The following BCL11A variants were observed in gnomAD, a reference collection of about 807,000 sequenced individuals.
BCL11A encodes the protein B cell CLL/lymphoma 11A.
In BCL11A, 2 loss-of-function variants were observed where a neutral mutation model predicts 55.9. That is an observed-to-expected ratio of 0.04 (90% CI 0.01 to 0.11). BCL11A has a LOEUF of 0.11. BCL11A is among the 10% of genes least tolerant of loss of function. The pLI, the probability that BCL11A is intolerant of heterozygous loss-of-function variation, is 1.00. For missense variants in BCL11A, 817 were observed against 1,137.1 expected, an observed-to-expected ratio of 0.72 and a Z score of 4.05; for synonymous variants, 465 against 473.4, an observed-to-expected ratio of 0.98 and a Z score of 0.23.
At chr2:60,553,011 C>T (rs757557716) in intron 1 of BCL11A, among the ~76,000 whole-genome samples, 14 of 151,628 alleles carry the variant, frequency 9.2e-5, no homozygotes, top group Admixed American at 3.9e-4. Context: ...TGCGTGCTGT[C>T]TCAAAAGTGC....
chr2:60,461,843 T>A lies in BCL11A; in HGVS notation c.1069A>T (p.Thr357Ser). Residue 357 changes from threonine (T) to serine (S), a missense_variant, in exon 4 of 4, where the codon ACG becomes TCG. Around this residue, in one of 4 missense-constraint regions of BCL11A, gnomAD observed 363 missense variants for 486.6 expected, o/e 0.75. Coordinates refer to ENST00000642384, the MANE Select transcript of BCL11A (RefSeq NM_022893.4). ...GATTGCAGAGGAGGGAGGGGGGGCG[T>A]CGCCAGGAAGGGCGGCTTGCTACCT... is the stretch of plus-strand genomic sequence containing the variant. ...QPGSKPPFLA[T>S]PPLPPLQSAP... The A allele has an allele frequency of 3.1e-6, 5 of 1,613,096 alleles. No individual in the cohort carries two copies. Among genetic ancestry groups the A allele is most frequent in the Non-Finnish European group, 4.2e-6 (5 of 1,179,458 alleles).
chr2:60,462,074 C>G lies in BCL11A; in HGVS notation c.838G>C (p.Glu280Gln). 3 of 1,583,348 alleles carry G rather than the reference C, an allele frequency of 1.9e-6. No homozygotes were observed. The highest frequency in any genetic ancestry group is 2.6e-6 in the Non-Finnish European group (3 of 1,165,238). ...GCCATCTCTTCCGCCCCCAGGCGCT[C>G]TATGCGGTGGGGGTCCAAGTGATGT... Reference protein sequence around the residue: ...PRHHLDPHRIERLGAEEMALA... With the variant: ...PRHHLDPHRIQRLGAEEMALA... Residue 280 changes from glutamate (E) to glutamine (Q), a missense_variant, in exon 4 of 4, where the codon GAG becomes CAG. Glu to Gln is a conservative substitution (Grantham distance 29). Around this residue, in one of 4 missense-constraint regions of BCL11A, gnomAD observed 363 missense variants for 486.6 expected, o/e 0.75. Coordinates refer to ENST00000642384, the MANE Select transcript of BCL11A (RefSeq NM_022893.4).
In BCL11A at chr2:60,511,028, A is replaced by G. The variant is rs550334624; in HGVS notation, c.385+34943T>C. Among the ~76,000 whole-genome samples the G allele has an allele frequency of 2.0e-5, 3 of 152,362 alleles. No homozygotes were observed. In the South Asian group the frequency reaches 6.2e-4, roughly 32 times the overall value. ...AAGAGCCAACCACCAGCAGTTCCTC[A>G]GAGTTCTTCCCACTGGGGCTGTGCA... is the stretch of plus-strand genomic sequence containing the variant. On this transcript the variant is annotated intron_variant, in intron 2 of 3. Transcript: ENST00000642384.
At chr2:60,527,810 G>A (rs965677471) in intron 2 of BCL11A, 1 of 152,214 alleles carries the variant, frequency 6.6e-6, no homozygotes, top group Non-Finnish European at 1.5e-5. Context: ...CAATTTGAAA[G>A]GATGGAGAAT....
At chr2:60,481,138 G>T (rs1189599387) in intron 2 of BCL11A, among the ~76,000 whole-genome samples, 2 of 152,008 alleles carry the variant, frequency 1.3e-5, no homozygotes, top group East Asian at 1.9e-4. Flanking sequence ...GCTCAGGGAA[G>T]AAAGAAGGCA....
chr2:60,480,571 G>C (rs1318361456), intron 2 of BCL11A, among the ~76,000 whole-genome samples: 2 of 152,166 alleles, frequency 1.3e-5, no homozygotes, highest in Non-Finnish European at 1.5e-5. Flanking sequence ...CTTGACCCAG[G>C]AGAGGATTAC....
intron 2 of BCL11A, chr2:60,526,629 T>G (rs529311002): frequency 3.2e-4 from 48 of 152,338 alleles, no homozygotes; most frequent in African/African-American, 1.1e-3. Context: ...ATTTGATGGT[T>G]TATAGGCCTC....
chr2:60,487,641 C>G (rs113910330), intron 2 of BCL11A, among the ~76,000 whole-genome samples: 109 of 152,322 alleles, frequency 7.2e-4, no homozygotes, highest in African/African-American at 2.4e-3. Flanking sequence ...TAAGTTAGCC[C>G]TATTCTCTGG....
chr2:60,481,804 C>G (rs1477100401), intron 2 of BCL11A, among the ~76,000 whole-genome samples: 3 of 152,146 alleles, frequency 2.0e-5, no homozygotes, highest in Non-Finnish European at 4.4e-5. Flanking sequence ...GGTGGGAGAG[C>G]CTTTTGACCA....
chr2:60,508,397 G>T (rs1003388473), intron 2 of BCL11A, among the ~76,000 whole-genome samples: 2 of 152,152 alleles, frequency 1.3e-5, no homozygotes, highest in African/African-American at 4.8e-5. Context: ...ACTGCAGCCG[G>T]GTCCCTGAGT....
rs1676087904 is a variant in BCL11A at position 60,459,040 on chromosome 2, GA to G, written c.*1363del. ...TGTCACATTTAAATGCAAGTCTTAA[GA>G]ATTCATAGTTAATCATCATTGTATC... On this transcript the variant is annotated 3_prime_UTR_variant, in exon 4 of 4. Transcript: ENST00000642384. The G allele has an allele frequency of 2.0e-6, 2 of 1,018,092 alleles. No homozygotes were observed. Among genetic ancestry groups the G allele is most frequent in the African/African-American group, 3.4e-5 (2 of 58,674 alleles). 63.1% of individuals were successfully genotyped at this position (1,018,092 alleles called of 1,614,324 possible).
At chr2:60,523,346 G>A (rs1213987261) in intron 2 of BCL11A, among the ~76,000 whole-genome samples, 2 of 152,176 alleles carry the variant, frequency 1.3e-5, no homozygotes, top group African/African-American at 4.8e-5. Flanking sequence ...AGCGCTATGT[G>A]AACAACAGAC....
In BCL11A at chr2:60,459,409, A is replaced by C. The variant is rs1676109718; in HGVS notation, c.*995T>G. On this transcript the variant is annotated 3_prime_UTR_variant, in exon 4 of 4. Coordinates refer to ENST00000642384, the MANE Select transcript of BCL11A (RefSeq NM_022893.4). ...GTTTAAAAAAAATAAAACTTTGGGC[A>C]AAACAGCCCATTTCTTTTAAGCTCT... is the stretch of plus-strand genomic sequence containing the variant. 9.8e-7 allele frequency: 1 copy of C among 1,021,762 alleles called. No homozygotes were observed. The highest frequency in any genetic ancestry group is 1.2e-6 in the Non-Finnish European group (1 of 851,252). The allele number at this position is 1,021,762 out of a possible 1,614,324, so 63.3% of individuals were successfully genotyped here.
chr2:60,465,458 C>T (rs998549943), intron 3 of BCL11A, among the ~76,000 whole-genome samples: 15 of 152,122 alleles, frequency 9.9e-5, no homozygotes, highest in Non-Finnish European at 2.1e-4. Flanking sequence ...CTTGAGACAT[C>T]AAAAGGGTTA....
intron 2 of BCL11A, among the ~76,000 whole-genome samples, chr2:60,513,306 G>A (rs1668570629): frequency 1.3e-5 from 2 of 152,138 alleles, no homozygotes; most frequent in South Asian, 4.2e-4. Flanking sequence ...GAGACAAGGA[G>A]GGGACAAGGA....
At chr2:60,504,425 G>C (rs1679459286) in intron 2 of BCL11A, among the ~76,000 whole-genome samples, 1 of 152,126 alleles carries the variant, frequency 6.6e-6, no homozygotes, top group Admixed American at 6.5e-5. Context: ...CCTTCCTCCT[G>C]GCCAGCCTGC....
At chr2:60,457,025 C>A (rs1240726476), downstream of BCL11A, among the ~76,000 whole-genome samples, 1 of 152,088 alleles carries the variant, frequency 6.6e-6, no homozygotes, top group Non-Finnish European at 1.5e-5. Context: ...TGAGATATGT[C>A]TATTTTAATA....
At chr2:60,494,911 G>T (rs1477529026) in intron 2 of BCL11A, among the ~76,000 whole-genome samples, 1 of 152,112 alleles carries the variant, frequency 6.6e-6, no homozygotes, top group African/African-American at 2.4e-5. Flanking sequence ...ATGACGTCAG[G>T]GGGAGGCAAG....
At chr2:60,497,628 GATA>G (rs10539208) in intron 2 of BCL11A, among the ~76,000 whole-genome samples, 149,073 of 151,948 alleles carry the variant, frequency 0.98, 73,164 homozygotes, top group East Asian at 1. Context: ...TTATGATGAT[GATA>G]ATAATAATAA....
Sources: allele counts gnomAD v4.1 joint callset (sites outside exome capture counted in the v4.1 genomes callset), GRCh38; gene constraint gnomAD v4.1.1; regional missense constraint gnomAD v4.1.1; transcripts MANE v1.5; gene names NCBI Gene and HGNC (gene_info 2026-07-23, HGNC 2026-07-21).